Variants in SEH1L observed in about 807,000 individuals in gnomAD.
SEH1L encodes the protein SEH1 like nucleoporin.
Under a neutral mutation model 49.5 loss-of-function variants are expected in SEH1L, and 18 were observed. The ratio of observed to expected loss-of-function variants is 0.36; its 90% CI spans 0.25 to 0.54. The LOEUF is 0.54. Among genes scored for constraint, SEH1L ranks in the 20% least tolerant of loss-of-function variants. The pLI is 0.87. For missense variants in SEH1L, 404 were observed against 528.8 expected (o/e 0.76, Z 2.31); for synonymous variants, 169 against 178.1 (o/e 0.95, Z 0.41).
At chr18:12,954,741 G>T (rs4995995) in intron 2 of SEH1L, among the ~76,000 whole-genome samples, 107,213 of 152,150 alleles carry the variant, frequency 0.7, 39,017 homozygotes, top group African/African-American at 0.89. Flanking sequence ...GGGCTGAGAA[G>T]ACAGGCGTGA....
Position 12,978,749 on chromosome 18 carries a change from T to C in SEH1L, c.621-3T>C, listed in dbSNP as rs931874572. 1 of 1,604,318 alleles carries C rather than the reference T, an allele frequency of 6.2e-7. No individual in the cohort carries two copies. On this transcript the variant is annotated splice_region_variant and splice_polypyrimidine_tract_variant and intron_variant, in intron 5 of 8. Coordinates refer to ENST00000399892, the MANE Select transcript of SEH1L (RefSeq NM_001013437.2). ...ATGTTAATGTCAATTGTTTTTCCATTAGGAAATATGCAAAAGCTGAAACTC... is the reference window on the plus strand; with the variant it reads ...ATGTTAATGTCAATTGTTTTTCCATCAGGAAATATGCAAAAGCTGAAACTC...
At chr18:12,986,126 CA>C in intron 8 of SEH1L, 1 of 984,330 alleles carries the variant, frequency 1.0e-6, no homozygotes, top group African/African-American at 1.7e-5. Context: ...GTCAGCATTC[CA>C]TGTCTCAAGA....
At chr18:12,984,229 T>G (rs1278833290) in intron 8 of SEH1L, 39 bp downstream of exon 8, 1 of 1,596,470 alleles carries the variant, frequency 6.3e-7, no homozygotes, top group East Asian at 2.2e-5. Context: ...TCATCTTTGT[T>G]TTAAATCATT....
At chr18:12,970,700 C>T (rs537452629) in intron 4 of SEH1L, among the ~76,000 whole-genome samples, 155 of 152,318 alleles carry the variant, frequency 1.0e-3, no homozygotes, top group African/African-American at 3.5e-3. Context: ...GCTGGGATTA[C>T]AGGCATGAGC....
chr18:12,984,346 T>C (rs67068160), intron 8 of SEH1L, 156 bp downstream of exon 8: 92,415 of 784,832 alleles, frequency 0.12, 6,281 homozygotes, highest in East Asian at 0.23. Flanking sequence ...TAGCTATGTA[T>C]TTGGCTTACT....
chr18:12,979,823 G>T (rs1347574187), intron 6 of SEH1L, among the ~76,000 whole-genome samples: 5 of 144,866 alleles, frequency 3.5e-5, no homozygotes, highest in African/African-American at 1.3e-4. Flanking sequence ...AGGGGCGGCC[G>T]GGCAGAGGCA....
At chr18:12,960,540 A>G (rs960495553) in intron 3 of SEH1L, among the ~76,000 whole-genome samples, 1 of 152,368 alleles carries the variant, frequency 6.6e-6, no homozygotes, top group South Asian at 2.1e-4. Flanking sequence ...TTGAGTGGCT[A>G]TTCAGACTGT....
chr18:12,966,274 T>G (rs2031449063), intron 4 of SEH1L, among the ~76,000 whole-genome samples: 2 of 152,052 alleles, frequency 1.3e-5, no homozygotes, highest in Admixed American at 1.3e-4. Context: ...ATATTTTTAG[T>G]AGAGATGGGG....
chr18:12,969,177 C>A (rs1278958988), intron 4 of SEH1L, among the ~76,000 whole-genome samples: 1 of 148,972 alleles, frequency 6.7e-6, no homozygotes, highest in Admixed American at 6.7e-5. Context: ...CCATTGCACT[C>A]CACCCTGGGC....
At chr18:12,956,338 G>A (rs1434504802) in intron 3 of SEH1L, among the ~76,000 whole-genome samples, 5 of 151,712 alleles carry the variant, frequency 3.3e-5, no homozygotes, top group African/African-American at 1.2e-4. Context: ...CACCACGCCT[G>A]GCCAAGGGTT....
intron 5 of SEH1L, chr18:12,976,969 C>G (rs1454401941): frequency 2.7e-5 from 4 of 148,888 alleles, no homozygotes; most frequent in African/African-American, 1.0e-4. Context: ...GAGCCAGACT[C>G]TGTCTCAAAA....
At chr18:12,981,849 CATTTTTTTTTT>C (rs1568230976) in intron 6 of SEH1L, among the ~76,000 whole-genome samples, 2 of 102,504 alleles carry the variant, frequency 2.0e-5, no homozygotes, top group South Asian at 3.1e-4. Context: ...CTGCCCTGCC[CATTTTTTTTTT>C]TTTTTTTTTT....
chr18:12,949,441 C>CTTTTT (rs1568206195), intron 1 of SEH1L, among the ~76,000 whole-genome samples: 4 of 85,436 alleles, frequency 4.7e-5, no homozygotes, highest in East Asian at 4.5e-4. Flanking sequence ...CTACGTTAAC[C>CTTTTT]GTTTTTTTTT....
At chr18:12,972,864 C>T (rs559159800) in intron 5 of SEH1L, 1 of 151,670 alleles carries the variant, frequency 6.6e-6, no homozygotes, top group Admixed American at 6.6e-5. Context: ...TAAATTTCAA[C>T]CTGAGCTGAG....
chr18:12,963,369 A>G lies in SEH1L; in HGVS notation c.519A>G (p.Ser173=), dbSNP rs1181201708. 1 of 1,612,428 alleles carries G rather than the reference A, an allele frequency of 6.2e-7. No individual in the cohort carries two copies. Among genetic ancestry groups the G allele is most frequent in the African/African-American group, 1.3e-5 (1 of 75,010 alleles). Residue 173 remains serine (S), a splice_region_variant and synonymous_variant, in exon 4 of 9, where the codon TCA becomes TCG. Transcript: ENST00000399892. ...GTAGTTGTATTTCTTGGAACCCTTC[A>G]AGGTAAGTTTACATATTAAACCTCT... ...LSCSCISWNP[S]SSRAHSPMIA...
At chr18:12,967,564 T>G (rs552955909) in intron 4 of SEH1L, among the ~76,000 whole-genome samples, 1 of 152,220 alleles carries the variant, frequency 6.6e-6, no homozygotes, top group Non-Finnish European at 1.5e-5. Flanking sequence ...GCTGGGAAAC[T>G]GCATCAGGCA....
At position 12,982,500 on chromosome 18, in the gene SEH1L, A is replaced by G. The variant is rs1431726836; in HGVS notation, c.762-18A>G. The G allele has an allele frequency of 6.2e-7, 1 of 1,600,158 alleles. No individual in the cohort carries two copies. The highest frequency in any genetic ancestry group is 8.5e-7 in the Non-Finnish European group (1 of 1,174,138). ...AAACTTTGTTTGGAATGCCTCAGAA[A>G]ATGTTTTTTATTAACAGGAAAGAAC... On this transcript the variant is annotated intron_variant, in intron 6 of 8. Transcript: ENST00000399892.
intron 5 of SEH1L, chr18:12,975,791 G>C (rs769613021): frequency 3.2e-4 from 313 of 986,510 alleles, no homozygotes; most frequent in Non-Finnish European, 3.6e-4. Context: ...GAATGCAGTA[G>C]CCCACTATGA....
intron 2 of SEH1L, among the ~76,000 whole-genome samples, chr18:12,952,773 T>C (rs1598940267): frequency 1.4e-5 from 2 of 139,654 alleles, no homozygotes; most frequent in Admixed American, 7.1e-5. Flanking sequence ...CACCCTCTCT[T>C]CTCTTCTTTT....
Sources: gnomAD v4.1 joint callset for allele counts (sites outside exome capture counted in the v4.1 genomes callset) on GRCh38, gnomAD v4.1.1 for gene constraint, MANE v1.5 for transcripts, NCBI Gene and HGNC (gene_info 2026-07-23, HGNC 2026-07-21) for gene names.